TOP3A: variants seen among roughly 807,000 people sequenced by gnomAD.
TOP3A encodes DNA topoisomerase 3-alpha.
In TOP3A, 64 loss-of-function variants were observed where a neutral mutation model predicts 111.3. The observed-to-expected ratio is 0.57, with a 90% CI of 0.47 to 0.71. The LOEUF is 0.71. Ranked by LOEUF, TOP3A falls within the 30% of genes least tolerant of loss-of-function variation. TOP3A has a pLI of 0.00. For synonymous variants in TOP3A, 484 were observed against 485.1 expected, an observed-to-expected ratio of 1.00 and a Z score of 0.03; for missense variants, 1,104 against 1,285.0, an observed-to-expected ratio of 0.86 and a Z score of 2.15.
intron 17 of TOP3A, among the ~76,000 whole-genome samples, chr17:18,278,931 T>C (rs562787817): frequency 1.3e-5 from 2 of 152,246 alleles, no homozygotes; most frequent in African/African-American, 4.8e-5. Context: ...TGAGCCAAGA[T>C]TGTGCCACTG....
At chr17:18,296,995 T>C (rs993603860) in intron 9 of TOP3A, among the ~76,000 whole-genome samples, 2 of 152,204 alleles carry the variant, frequency 1.3e-5, no homozygotes, top group Non-Finnish European at 2.9e-5. Flanking sequence ...CTAATTATAA[T>C]GCTGTAAAAA....
rs569435618 is a variant in TOP3A, at chr17:18,298,468, G to A, written c.990+1091C>T. Among the ~76,000 whole-genome samples, 430 of 148,614 alleles carry A rather than the reference G, an allele frequency of 2.9e-3. 2 individuals carry two copies. Among genetic ancestry groups the A allele is most frequent in the Non-Finnish European group, 4.3e-3 (287 of 66,856 alleles). On this transcript the variant is annotated intron_variant, in intron 9 of 18. Coordinates refer to ENST00000321105, the MANE Select transcript of TOP3A (RefSeq NM_004618.5). ...CCCCGCCCGGCCAGCCGCCCCGTCC[G>A]GGAGGTGAGGGGCGCCTCTGCCCGG...
rs778225379 is a variant in TOP3A at position 18,299,564 on chromosome 17, T to C, written c.985A>G (p.Thr329Ala). ...KSKWRPQALDTVELEKLASRK... is the reference protein window; with the variant it reads ...KSKWRPQALDAVELEKLASRK... ...ACAGCCTGTCTGGAACATACCACAG[T>C]GTCCAAGGCTTGAGGCCGCCACTTG... The change falls in exon 9 of 19, where the codon ACT becomes GCT. Residue 329 changes from threonine to alanine, a missense_variant. Coordinates refer to ENST00000321105, the MANE Select transcript of TOP3A (RefSeq NM_004618.5). 24 of 1,613,868 alleles carry C rather than the reference T, an allele frequency of 1.5e-5. No individual in the cohort carries two copies. Among genetic ancestry groups the C allele is most frequent in the Non-Finnish European group, 2.0e-5 (24 of 1,179,888 alleles).
Position 18,290,859 on chromosome 17 carries a change from C to T in TOP3A, c.1450G>A (p.Asp484Asn), listed in dbSNP as rs763605074. 1.9e-6 allele frequency: 3 copies of T among 1,614,054 alleles called. No individual in the cohort carries two copies. The African/African-American group carries it at 4.0e-5, about 22-fold the overall frequency. Reference protein sequence around the residue: ...ARNYLDVYPYDHWSDKILPVY... With the variant: ...ARNYLDVYPYNHWSDKILPVY... ...TTTATTACCTTGTCACTCCAGTGATCATATGGATACACATCCAGATAGTTT... is the reference window on the plus strand; with the variant it reads ...TTTATTACCTTGTCACTCCAGTGATTATATGGATACACATCCAGATAGTTT... The change falls in exon 12 of 19, where the codon GAT becomes AAT. Residue 484 changes from aspartate (D) to asparagine (N), a missense_variant. Asp to Asn is a conservative substitution (Grantham distance 23). Coordinates refer to ENST00000321105, the MANE Select transcript of TOP3A (RefSeq NM_004618.5).
intron 10 of TOP3A, 86 bp downstream of exon 10, chr17:18,294,617 C>T (rs1035676719): frequency 1.2e-5 from 12 of 1,041,982 alleles, no homozygotes; most frequent in African/African-American, 3.1e-5. Flanking sequence ...TGTGAGCCAC[C>T]GTGCCCAACC....
At chr17:18,285,924 G>C (rs976424062) in intron 13 of TOP3A, among the ~76,000 whole-genome samples, 6 of 152,224 alleles carry the variant, frequency 3.9e-5, no homozygotes, top group African/African-American at 1.4e-4. Context: ...TGAAGGCTGG[G>C]AGCAGTGGCT....
At chr17:18,298,852 G>C (rs1420924375) in intron 9 of TOP3A, among the ~76,000 whole-genome samples, 2 of 151,990 alleles carry the variant, frequency 1.3e-5, no homozygotes, top group Admixed American at 1.3e-4. Context: ...ATGCTTGAAG[G>C]CAGCATGCTC....
chr17:18,307,090 G>C, intron 3 of TOP3A, 124 bp from the exon 4 acceptor site: 3 of 654,500 alleles, frequency 4.6e-6, no homozygotes, highest in South Asian at 3.7e-5. Context: ...CCGGTGAATT[G>C]AAAGTAAGGC....
In TOP3A at chr17:18,292,849, G is replaced by A; in HGVS notation, c.1077C>T (p.Tyr359=). The change falls in exon 11 of 19, where the codon TAC becomes TAT. Residue 359 remains tyrosine, a synonymous_variant. Transcript: ENST00000321105. ...TTGTTTCTGTTCGGGGATAGCTGAT[G>A]TACCTAAAACCAAGGCAAACAAACA... is the stretch of plus-strand genomic sequence containing the variant. ...RIAEKLYTQG[Y]ISYPRTETNI... 1.9e-6 allele frequency: 3 copies of A among 1,611,764 alleles called. No homozygotes were observed. The highest frequency in any genetic ancestry group is 1.1e-5 in the South Asian group (1 of 90,754).
intron 8 of TOP3A, among the ~76,000 whole-genome samples, chr17:18,300,349 G>A (rs981107988): frequency 8.6e-5 from 13 of 151,610 alleles, no homozygotes; most frequent in South Asian, 4.2e-4. Context: ...AGCTGAGATC[G>A]TGCCATTGCA....
At chr17:18,275,350 T>A (rs1320386801) in intron 18 of TOP3A, among the ~76,000 whole-genome samples, 5 of 59,892 alleles carry the variant, frequency 8.3e-5, no homozygotes, top group African/African-American at 5.5e-4. Context: ...CCAACTTTTT[T>A]TTTTTTTTTT....
At chr17:18,288,422 G>A (rs938293563) in intron 13 of TOP3A, among the ~76,000 whole-genome samples, 9 of 152,042 alleles carry the variant, frequency 5.9e-5, no homozygotes, top group Non-Finnish European at 1.0e-4. Flanking sequence ...GATTATAGGT[G>A]TGAGACACAA....
chr17:18,287,602 G>A lies in TOP3A; in HGVS notation c.1598-2082C>T, dbSNP rs1980183722. On this transcript the variant is annotated intron_variant, in intron 13 of 18. Coordinates refer to ENST00000321105, the MANE Select transcript of TOP3A (RefSeq NM_004618.5). ...ATGGCAACACATGCCTGTAGTCCCA[G>A]CTACTTGGGAAGCTGAGGTGGAAGG... 2.0e-5 allele frequency among the ~76,000 whole-genome samples: 3 copies of A among 152,154 alleles called. No homozygotes were observed. The South Asian group carries it at 6.2e-4, about 31-fold the overall frequency.
At position 18,273,469 on chromosome 17, in the gene TOP3A, G is replaced by GCTC. The variant is rs1454448559; in HGVS notation, c.*1330_*1332dup. ...CTTACCATGTGGAAAGGGAGGAAGG[G>GCTC]CTCTCCACATGGGACACAAGGGACA... On this transcript the variant is annotated 3_prime_UTR_variant, in exon 19 of 19. Coordinates refer to ENST00000321105, the MANE Select transcript of TOP3A (RefSeq NM_004618.5). 2.0e-5 allele frequency: 3 copies of GCTC among 152,208 alleles called. No individual in the cohort carries two copies. The highest frequency in any genetic ancestry group is 7.2e-5 in the African/African-American group (3 of 41,430). The allele number at this position is 152,208 out of a possible 1,614,324, so 9.4% of individuals were successfully genotyped here.
Position 18,280,746 on chromosome 17 carries a change from GC to G in TOP3A, c.2022-89del, listed in dbSNP as rs1209462100. 3 of 1,465,880 alleles carry G rather than the reference GC, an allele frequency of 2.0e-6. No individual in the cohort carries two copies. The African/African-American group carries it at 4.2e-5, about 20-fold the overall frequency. 90.8% of individuals were successfully genotyped at this position (1,465,880 alleles called of 1,614,324 possible). ...CAGCTAAGGCAGCCTTTCCTCAGCT[GC>G]CCGAGGACAACATTCCCTTTTCTGG... On this transcript the variant is annotated intron_variant, in intron 16 of 18. Coordinates refer to ENST00000321105, the MANE Select transcript of TOP3A (RefSeq NM_004618.5).
In TOP3A at chr17:18,273,788, T is replaced by G. The variant is rs1392578470; in HGVS notation, c.*1014A>C. ...GAACTAAAGACGTGTACAACTGTGC[T>G]TGTTATATTTTTAAAAATAGAGACA... On this transcript the variant is annotated 3_prime_UTR_variant, in exon 19 of 19. Transcript: ENST00000321105. 2.0e-5 allele frequency: 3 copies of G among 152,074 alleles called. No individual in the cohort carries two copies. The highest frequency in any genetic ancestry group is 7.2e-5 in the African/African-American group (3 of 41,388). 9.4% of individuals were successfully genotyped at this position (152,074 alleles called of 1,614,324 possible). A position where few individuals can be genotyped will look rare whatever the true frequency, so the allele number is the denominator to read the frequency against.
chr17:18,291,111 G>A (rs1412502748), intron 11 of TOP3A, 84 bp from the exon 12 acceptor site: 1 of 1,407,614 alleles, frequency 7.1e-7, no homozygotes, highest in South Asian at 1.3e-5. Flanking sequence ...TTAGCCTAAT[G>A]TCCTGCACAG....
intron 4 of TOP3A, chr17:18,306,605 G>C (rs1324218108): frequency 3.7e-6 from 1 of 270,050 alleles, no homozygotes; most frequent in Non-Finnish European, 7.1e-6. Context: ...TGGAGTTCAT[G>C]TGATCCTGCC....
intron 1 of TOP3A, chr17:18,313,484 G>C: frequency 6.0e-6 from 1 of 167,508 alleles, no homozygotes; most frequent in Non-Finnish European, 1.3e-5. Context: ...AGAACCAATG[G>C]AAAAGAGCCT....
Sources: gnomAD v4.1 joint callset for allele counts (sites outside exome capture counted in the v4.1 genomes callset) on GRCh38, gnomAD v4.1.1 for gene constraint, MANE v1.5 for transcripts, NCBI Gene and HGNC (gene_info 2026-07-23, HGNC 2026-07-21) for gene names.